The following SEMA6D variants were observed in gnomAD, a reference collection of about 807,000 sequenced individuals.
SEMA6D encodes semaphorin-6D.
Under a neutral mutation model 106.6 loss-of-function variants are expected in SEMA6D, and 35 were observed. The ratio of observed to expected loss-of-function variants is 0.33; its 90% confidence interval spans 0.25 to 0.44. The LOEUF is 0.44. SEMA6D is among the 20% of genes least tolerant of loss of function. The probability of loss-of-function intolerance (pLI) is 1.00; values close to 1 mark genes in which losing one functional copy is unlikely to be tolerated. For missense variants in SEMA6D, 1,185 were observed against 1,345.9 expected, an observed-to-expected ratio of 0.88 and a Z score of 1.87; for synonymous variants, 499 against 487.7, an observed-to-expected ratio of 1.02 and a Z score of -0.31.
chr15:47,261,772 A>G (rs1466310881), intron 1 of SEMA6D, among the ~76,000 whole-genome samples: 1 of 152,094 alleles, frequency 6.6e-6, no homozygotes, highest in Non-Finnish European at 1.5e-5. Flanking sequence ...ATAATATAAT[A>G]GTGTGTTTTC....
intron 1 of SEMA6D, among the ~76,000 whole-genome samples, chr15:47,244,302 A>G (rs1428048557): frequency 6.6e-6 from 1 of 152,176 alleles, no homozygotes; most frequent in Non-Finnish European, 1.5e-5. Flanking sequence ...GACTTAGGCC[A>G]AATTGGTTAA....
intron 3 of SEMA6D, among the ~76,000 whole-genome samples, chr15:47,591,809 G>A (rs2076445426): frequency 6.6e-6 from 1 of 152,170 alleles, no homozygotes; most frequent in East Asian, 1.9e-4. Flanking sequence ...TCATATACTG[G>A]CATCTAGTGT....
rs1039117806 is a variant in SEMA6D at position 47,745,215 on chromosome 15, A to G, written c.-54-14530A>G. Among the ~76,000 whole-genome samples the G allele has an allele frequency of 3.3e-5, 5 of 152,174 alleles. No individual in the cohort carries two copies. In the East Asian group the frequency reaches 9.6e-4, roughly 29 times the overall value. Reference sequence around the variant, plus strand: ...GCCTTGAACAGGCTTCCTGGTACTCACCTGGTCTAATAGTGATTTTTATGG... The same window carrying G: ...GCCTTGAACAGGCTTCCTGGTACTCGCCTGGTCTAATAGTGATTTTTATGG... On this transcript the variant is annotated intron_variant, in intron 1 of 18. Transcript: ENST00000536845.
At chr15:47,669,583 C>T (rs2078099737) in intron 4 of SEMA6D, among the ~76,000 whole-genome samples, 1 of 152,170 alleles carries the variant, frequency 6.6e-6, no homozygotes, top group South Asian at 2.1e-4. Flanking sequence ...CTATTCAAAA[C>T]TCTTATCCTT....
chr15:47,741,180 A>C (rs1476379165), intron 1 of SEMA6D, among the ~76,000 whole-genome samples: 3 of 152,150 alleles, frequency 2.0e-5, no homozygotes, highest in Non-Finnish European at 4.4e-5. Context: ...TGCTGCAGGG[A>C]TTAAGACTAC....
rs374354563 is a variant in SEMA6D at position 47,385,045 on chromosome 15, A to ATT, written c.-238-27329_-238-27328dup. Among the ~76,000 whole-genome samples, 567 of 94,348 alleles carry ATT rather than the reference A, an allele frequency of 6.0e-3. 7 individuals carry two copies. The highest frequency in any genetic ancestry group is 0.017 in the Middle Eastern group (2 of 118). 61.9% of individuals were successfully genotyped at this position (94,348 alleles called of 152,430 possible). On this transcript the variant is annotated intron_variant, in intron 1 of 19. Coordinates refer to the SEMA6D transcript ENST00000558014. ...ATTACATTCATGGAGCTGGACTGTAATTTTTTTTTTTTTTTTTTTTACCAT... is the reference window on the plus strand; with the variant it reads ...ATTACATTCATGGAGCTGGACTGTAATTTTTTTTTTTTTTTTTTTTTTACCAT...
chr15:47,683,769 A>G (rs17386901), intron 4 of SEMA6D, among the ~76,000 whole-genome samples: 29,873 of 152,206 alleles, frequency 0.2, 3,503 homozygotes, highest in Non-Finnish European at 0.26. Context: ...AATGATTCCT[A>G]TTCCCTGGGA....
Position 47,771,764 on chromosome 15 carries a change from A to G in SEMA6D, c.3201A>G (p.Pro1067=). The G allele has an allele frequency of 1.2e-6, 2 of 1,613,564 alleles. No individual in the cohort carries two copies. Among genetic ancestry groups the G allele is most frequent in the East Asian group, 2.2e-5 (1 of 44,864 alleles). Residue 1067 remains proline (P), a synonymous_variant, in exon 19 of 19, where the codon CCA becomes CCG. Coordinates refer to ENST00000536845, the MANE Select transcript of SEMA6D (RefSeq NM_001358351.3). Reference sequence around the variant, plus strand: ...TTCCTCAAACCCCATCTGTCAGACCACTGAACAAATACACATACTAGGCCT... The same window carrying G: ...TTCCTCAAACCCCATCTGTCAGACCGCTGAACAAATACACATACTAGGCCT... The part of the protein sequence containing the change: ...SFVPQTPSVR[P]LNKYTY
chr15:47,277,762 C>G (rs1461350122), intron 1 of SEMA6D, among the ~76,000 whole-genome samples: 1 of 151,830 alleles, frequency 6.6e-6, no homozygotes, highest in African/African-American at 2.4e-5. Context: ...TTCCTCCCCC[C>G]TCCCCACACC....
chr15:47,569,229 A>G (rs1161796502), intron 3 of SEMA6D, among the ~76,000 whole-genome samples: 2 of 152,138 alleles, frequency 1.3e-5, no homozygotes, highest in Non-Finnish European at 2.9e-5. Flanking sequence ...TTTCAAAATT[A>G]AATTAAATGT....
chr15:47,299,363 C>T (rs1480724323), intron 1 of SEMA6D, among the ~76,000 whole-genome samples: 1 of 152,172 alleles, frequency 6.6e-6, no homozygotes. Context: ...AAATTTGCCT[C>T]ACAGCACATA....
At chr15:47,421,620 C>T (rs531831874) in intron 2 of SEMA6D, among the ~76,000 whole-genome samples, 50 of 152,052 alleles carry the variant, frequency 3.3e-4, no homozygotes, top group African/African-American at 1.2e-3. Flanking sequence ...CTTTACTTTC[C>T]ACTTGACTGA....
intron 4 of SEMA6D, among the ~76,000 whole-genome samples, chr15:47,689,606 T>C (rs998594936): frequency 6.6e-6 from 1 of 152,236 alleles, no homozygotes; most frequent in Non-Finnish European, 1.5e-5. Context: ...GGGCCTCTAC[T>C]TCCTTCAGAG....
At chr15:47,487,145 A>G (rs940891447) in intron 3 of SEMA6D, among the ~76,000 whole-genome samples, 1 of 152,214 alleles carries the variant, frequency 6.6e-6, no homozygotes, top group Non-Finnish European at 1.5e-5. Context: ...CAATATACAG[A>G]TACATAGAGT....
chr15:47,439,578 G>T (rs768990794), intron 2 of SEMA6D, among the ~76,000 whole-genome samples: 15 of 152,134 alleles, frequency 9.9e-5, no homozygotes, highest in African/African-American at 3.1e-4. Flanking sequence ...GGGCCATGGT[G>T]TATCTTTTCA....
intron 1 of SEMA6D, among the ~76,000 whole-genome samples, chr15:47,361,265 C>T (rs890557676): frequency 5.9e-5 from 9 of 152,162 alleles, no homozygotes; most frequent in African/African-American, 9.7e-5. Flanking sequence ...TCTCTGATAA[C>T]GCCATGGTTT....
At chr15:47,401,860 G>A (rs1488961590) in intron 1 of SEMA6D, among the ~76,000 whole-genome samples, 1 of 152,176 alleles carries the variant, frequency 6.6e-6, no homozygotes, top group Non-Finnish European at 1.5e-5. Flanking sequence ...ACCACCCGCA[G>A]CACATTTGTC....
chr15:47,609,622 T>C (rs1031860313), intron 4 of SEMA6D, among the ~76,000 whole-genome samples: 2 of 152,196 alleles, frequency 1.3e-5, no homozygotes, highest in African/African-American at 4.8e-5. Context: ...TTTAAGTCTT[T>C]CTGCACTAAA....
chr15:47,582,228 C>T (rs1441336745), intron 3 of SEMA6D, among the ~76,000 whole-genome samples: 3 of 152,178 alleles, frequency 2.0e-5, no homozygotes, highest in Non-Finnish European at 4.4e-5. Flanking sequence ...TGCAATGATG[C>T]AGTCAGCGGA....
Sources: allele counts gnomAD v4.1 joint callset (sites outside exome capture counted in the v4.1 genomes callset), GRCh38; gene constraint gnomAD v4.1.1; transcripts MANE v1.5; gene names NCBI Gene and HGNC (gene_info 2026-07-23, HGNC 2026-07-21).